The following TTC39B variants were observed in gnomAD, a reference collection of about 807,000 sequenced individuals.
TTC39B encodes the protein tetratricopeptide repeat domain 39B.
In TTC39B, 92 loss-of-function variants were observed where a neutral mutation model predicts 96.6. The ratio of observed to expected loss-of-function variants is 0.95; its 90% CI spans 0.80 to 1.13. The LOEUF (loss-of-function observed/expected upper bound fraction) is 1.13, where lower values mean the gene tolerates loss of function less well. TTC39B is among the 50% of genes most tolerant of loss of function. The pLI is 0.00. For missense variants in TTC39B, 955 were observed against 809.3 expected, an observed-to-expected ratio of 1.18 and a Z score of -2.18; for synonymous variants, 367 against 299.4, an observed-to-expected ratio of 1.23 and a Z score of -2.33.
chr9:15,211,360 T>A, exon 5 of TTC39B: 1 of 1,595,014 alleles, frequency 6.3e-7, no homozygotes, highest in Non-Finnish European at 8.5e-7. Context: ...ACCACAATGG[T>A]ACTGTAGCCC....
Position 15,307,213 on chromosome 9 carries a change from A to T in TTC39B, c.111T>A (p.Leu37=), listed in dbSNP as rs77031199. 0.013 allele frequency: 19,567 copies of T among 1,557,696 alleles called. 170 individuals carry two copies. The highest frequency in any genetic ancestry group is 0.016 in the Middle Eastern group (97 of 5,996). ...TCGGCTCTGGGCTCAGCCCAGCGCA[A>T]AGGAGGGCAAAAGGGGACGGCCCGG... Residue 37 remains leucine, a synonymous_variant, in exon 1 of 20, where the codon CTT becomes CTA. In the 5' UTR this introduces an upstream ATG that the reference lacks. Coordinates refer to ENST00000512701, the Ensembl canonical transcript of TTC39B.
intron 15 of TTC39B, chr9:15,186,543 G>A (rs551907539): frequency 6.5e-6 from 1 of 154,078 alleles, no homozygotes; most frequent in African/African-American, 2.4e-5. Context: ...GGAAGAAAGA[G>A]AAGGAGATTT....
chr9:15,190,308 G>C (rs886280001), intron 11 of TTC39B, among the ~76,000 whole-genome samples: 5 of 151,790 alleles, frequency 3.3e-5, no homozygotes, highest in Non-Finnish European at 5.9e-5. Flanking sequence ...TACTTACTCA[G>C]ATTAAAAATA....
chr9:15,238,534 T>C (rs1048407093), intron 2 of TTC39B, among the ~76,000 whole-genome samples: 1 of 152,202 alleles, frequency 6.6e-6, no homozygotes, highest in Non-Finnish European at 1.5e-5. Flanking sequence ...ATCCCATTTA[T>C]GTTAGCCACA....
intron 17 of TTC39B, among the ~76,000 whole-genome samples, chr9:15,181,817 A>G (rs1818263287): frequency 6.6e-6 from 1 of 152,266 alleles, no homozygotes; most frequent in Middle Eastern, 3.4e-3. Context: ...TTTTTGTCAT[A>G]GTTTTAAGAT....
At chr9:15,168,469 C>G (rs1188890919) in exon 20 of TTC39B, 1 of 148,274 alleles carries the variant, frequency 6.7e-6, no homozygotes, top group Non-Finnish European at 1.5e-5. Context: ...TTAGATAATT[C>G]CAGAAGATTT....
At chr9:15,234,741 T>A (rs1159411141) in intron 2 of TTC39B, among the ~76,000 whole-genome samples, 1 of 151,774 alleles carries the variant, frequency 6.6e-6, no homozygotes, top group Non-Finnish European at 1.5e-5. Flanking sequence ...CCCAACCCTG[T>A]GCTCTCTGAA....
At chr9:15,257,527 C>G (rs1372666494) in intron 2 of TTC39B, among the ~76,000 whole-genome samples, 2 of 152,072 alleles carry the variant, frequency 1.3e-5, no homozygotes, top group Non-Finnish European at 2.9e-5. Flanking sequence ...CAGCTCAACA[C>G]AGCCTCGACT....
chr9:15,300,265 T>C (rs3866795), intron 1 of TTC39B, among the ~76,000 whole-genome samples: 24,132 of 151,946 alleles, frequency 0.16, 3,486 homozygotes, highest in African/African-American at 0.39. Flanking sequence ...CTCTACTCCT[T>C]CTCCTTAGGG....
intron 1 of TTC39B, among the ~76,000 whole-genome samples, chr9:15,276,614 G>A (rs140737661): frequency 6.6e-6 from 1 of 152,284 alleles, no homozygotes; most frequent in Admixed American, 6.5e-5. Flanking sequence ...TACTCCCTAA[G>A]TACTACGCAC....
At chr9:15,284,717 G>A (rs536625651) in intron 1 of TTC39B, among the ~76,000 whole-genome samples, 1 of 152,236 alleles carries the variant, frequency 6.6e-6, no homozygotes, top group Non-Finnish European at 1.5e-5. Flanking sequence ...TCTTACTTAA[G>A]CTGGTCTCTT....
chr9:15,187,657 AC>A (rs1818606619), intron 14 of TTC39B, among the ~76,000 whole-genome samples: 3 of 152,188 alleles, frequency 2.0e-5, no homozygotes, highest in African/African-American at 7.2e-5. Context: ...ATAAAATCAC[AC>A]CATGTTGCCC....
At chr9:15,182,440 T>G in intron 16 of TTC39B, 25 bp from the exon 17 acceptor site, 1 of 1,544,130 alleles carries the variant, frequency 6.5e-7, no homozygotes, top group Non-Finnish European at 8.9e-7. Flanking sequence ...TGAAAACCAT[T>G]TGCAGTTATA....
At chr9:15,176,207 GA>G (rs1399507831) in intron 18 of TTC39B, among the ~76,000 whole-genome samples, 2 of 152,176 alleles carry the variant, frequency 1.3e-5, no homozygotes, top group South Asian at 2.1e-4. Context: ...GGAATCTCAA[GA>G]AAAAACTCCA....
At chr9:15,209,284 C>T (rs753092496) in intron 6 of TTC39B, among the ~76,000 whole-genome samples, 5 of 152,060 alleles carry the variant, frequency 3.3e-5, no homozygotes, top group Admixed American at 3.3e-4. Flanking sequence ...CCAGGGGGCA[C>T]GTCAAGCAAT....
At chr9:15,248,164 TG>T (rs1822368758) in intron 2 of TTC39B, among the ~76,000 whole-genome samples, 1 of 152,198 alleles carries the variant, frequency 6.6e-6, no homozygotes, top group South Asian at 2.1e-4. Context: ...TCCAGTAAAA[TG>T]GGAAATTGAT....
At chr9:15,217,921 C>A (rs1820612256) in intron 3 of TTC39B, among the ~76,000 whole-genome samples, 1 of 152,032 alleles carries the variant, frequency 6.6e-6, no homozygotes, top group Non-Finnish European at 1.5e-5. Flanking sequence ...TAAAAACAGC[C>A]CAGTATAGCC....
At chr9:15,206,420 T>G (rs1259685242) in intron 6 of TTC39B, among the ~76,000 whole-genome samples, 1 of 152,168 alleles carries the variant, frequency 6.6e-6, no homozygotes, top group African/African-American at 2.4e-5. Context: ...GAACACAAAG[T>G]CTGTTTGGGT....
At position 15,213,229 on chromosome 9, in the gene TTC39B, G is replaced by A. The variant is rs73646012; in HGVS notation, c.482+910C>T. ...AGAGACAGGAGACAAAGAAGTCTGAGGGACAGAGGAGGACAGAAGGAAAAA... is the reference window on the plus strand; with the variant it reads ...AGAGACAGGAGACAAAGAAGTCTGAAGGACAGAGGAGGACAGAAGGAAAAA... On this transcript the variant is annotated intron_variant, in intron 4 of 19. Coordinates refer to ENST00000512701, the Ensembl canonical transcript of TTC39B. Among the ~76,000 whole-genome samples, 1,044 of 152,206 alleles carry A rather than the reference G, an allele frequency of 6.9e-3. 10 individuals are homozygous for A. Among genetic ancestry groups the A allele is most frequent in the African/African-American group, 0.024 (986 of 41,532 alleles).
Sources: gnomAD v4.1 joint callset for allele counts (sites outside exome capture counted in the v4.1 genomes callset) on GRCh38, gnomAD v4.1.1 for gene constraint, MANE v1.5 for transcripts, NCBI Gene and HGNC (gene_info 2026-07-23, HGNC 2026-07-21) for gene names.